SGCZ: variants seen among roughly 807,000 people sequenced by gnomAD.
SGCZ encodes zeta-sarcoglycan.
SGCZ carries 40 observed loss-of-function variants against 41.3 expected under a neutral mutation model. That is an observed-to-expected ratio of 0.97 (90% CI 0.75 to 1.26). The LOEUF is 1.26. Ranked by LOEUF, SGCZ falls within the 50% of genes most tolerant of loss-of-function variation. The probability of loss-of-function intolerance (pLI) is 0.00; values close to 1 mark genes in which losing one functional copy is unlikely to be tolerated. For synonymous variants in SGCZ, 206 were observed against 137.5 expected, an observed-to-expected ratio of 1.50 and a Z score of -3.49; for missense variants, 552 against 369.8, an observed-to-expected ratio of 1.49 and a Z score of -4.04.
chr8:14,912,550 T>A (rs1799306900), intron 1 of SGCZ, among the ~76,000 whole-genome samples: 1 of 152,068 alleles, frequency 6.6e-6, no homozygotes, highest in East Asian at 1.9e-4. Flanking sequence ...TAAGATGGAA[T>A]ATAGTAGTGA....
chr8:14,578,854 A>G (rs992086148), intron 1 of SGCZ, among the ~76,000 whole-genome samples: 1 of 152,170 alleles, frequency 6.6e-6, no homozygotes, highest in Admixed American at 6.6e-5. Flanking sequence ...AATAGCATCC[A>G]ATTTGTAAAT....
At chr8:14,571,581 C>G (rs1804557448) in intron 1 of SGCZ, among the ~76,000 whole-genome samples, 1 of 152,052 alleles carries the variant, frequency 6.6e-6, no homozygotes, top group African/African-American at 2.4e-5. Context: ...TTTTTTCTGA[C>G]TGCATTTTAC....
At chr8:14,475,033 G>A (rs1801318464) in intron 2 of SGCZ, among the ~76,000 whole-genome samples, 1 of 152,112 alleles carries the variant, frequency 6.6e-6, no homozygotes, top group Non-Finnish European at 1.5e-5. Flanking sequence ...TCAGGCTGTG[G>A]ACTTATCCAA....
At position 14,886,807 on chromosome 8, in the gene SGCZ, T is replaced by C. The variant is rs115187199; in HGVS notation, c.40-331881A>G. The stretch of plus-strand genomic sequence containing the variant: ...GTAGAATTTGAGTCTTTAGATCACT[T>C]TGGCTTCTGGGGTGGAGCAGACTAA... On this transcript the variant is annotated intron_variant, in intron 1 of 7. Coordinates refer to ENST00000382080, the MANE Select transcript of SGCZ (RefSeq NM_139167.4). Among the ~76,000 whole-genome samples the C allele has an allele frequency of 9.2e-3, 1,406 of 152,228 alleles. 16 individuals carry two copies. The highest frequency in any genetic ancestry group is 0.032 in the African/African-American group (1,319 of 41,536).
chr8:14,529,489 G>A (rs77295557), intron 2 of SGCZ, among the ~76,000 whole-genome samples: 1 of 152,132 alleles, frequency 6.6e-6, no homozygotes, highest in Non-Finnish European at 1.5e-5. Flanking sequence ...GCACAGGGCT[G>A]TCAACTTCAA....
chr8:15,010,381 T>G (rs1045961756), intron 1 of SGCZ, among the ~76,000 whole-genome samples: 35 of 152,206 alleles, frequency 2.3e-4, no homozygotes, highest in African/African-American at 7.5e-4. Context: ...CAGAAAACAC[T>G]TCAAGACTTT....
At chr8:15,194,161 A>G (rs1445106154) in intron 1 of SGCZ, among the ~76,000 whole-genome samples, 1 of 151,002 alleles carries the variant, frequency 6.6e-6, no homozygotes, top group Non-Finnish European at 1.5e-5. Flanking sequence ...CTCACCTGAA[A>G]TAGTCCTCGT....
chr8:14,897,419 T>A (rs1003933878), intron 1 of SGCZ, among the ~76,000 whole-genome samples: 5 of 152,208 alleles, frequency 3.3e-5, no homozygotes, highest in African/African-American at 1.2e-4. Context: ...GCCCTTCCTC[T>A]TAAACTTGAT....
intron 1 of SGCZ, among the ~76,000 whole-genome samples, chr8:15,189,103 G>T (rs1267578827): frequency 6.6e-6 from 1 of 152,116 alleles, no homozygotes; most frequent in Non-Finnish European, 1.5e-5. Context: ...CAGGAAGATG[G>T]CCATACTTTC....
At chr8:14,702,287 GT>G (rs1398810882) in intron 1 of SGCZ, among the ~76,000 whole-genome samples, 1 of 151,724 alleles carries the variant, frequency 6.6e-6, no homozygotes, top group Non-Finnish European at 1.5e-5. Flanking sequence ...TTCTCTCTGT[GT>G]TTTTCCTTTA....
chr8:14,816,749 T>C (rs1801913400), intron 1 of SGCZ, among the ~76,000 whole-genome samples: 1 of 152,174 alleles, frequency 6.6e-6, no homozygotes, highest in Non-Finnish European at 1.5e-5. Context: ...GCTCCATATA[T>C]CCTCCTTTAT....
chr8:14,863,933 A>G (rs1803840593), intron 1 of SGCZ, among the ~76,000 whole-genome samples: 1 of 152,292 alleles, frequency 6.6e-6, no homozygotes, highest in South Asian at 2.1e-4. Context: ...AATGACCAGA[A>G]CTTTGTTCGG....
At chr8:15,125,883 C>T (rs376960715) in intron 1 of SGCZ, among the ~76,000 whole-genome samples, 1 of 152,178 alleles carries the variant, frequency 6.6e-6, no homozygotes, top group Non-Finnish European at 1.5e-5. Context: ...CAGTGGCTCA[C>T]GCCTGTAATC....
At chr8:14,272,708 G>T (rs1351677494) in intron 3 of SGCZ, among the ~76,000 whole-genome samples, 1 of 152,092 alleles carries the variant, frequency 6.6e-6, no homozygotes, top group East Asian at 1.9e-4. Flanking sequence ...GGTTAGTAGG[G>T]AATGACTCTA....
chr8:14,769,489 CT>C (rs888922455), intron 1 of SGCZ, among the ~76,000 whole-genome samples: 11 of 152,200 alleles, frequency 7.2e-5, no homozygotes, highest in African/African-American at 2.6e-4. Flanking sequence ...AAGGAGTGGT[CT>C]TTTAAAACAC....
At position 15,188,990 on chromosome 8, in the gene SGCZ, C is replaced by A. The variant is rs185801251; in HGVS notation, c.39+48595G>T. On this transcript the variant is annotated intron_variant, in intron 1 of 7. Transcript: ENST00000382080. ...CTCCATTCACTCATTCATTAAATAT[C>A]AAAAAAAATAGATATGCTCACAGAG... 2.4e-3 allele frequency among the ~76,000 whole-genome samples: 363 copies of A among 151,686 alleles called. 1 individual carries two copies. The highest frequency in any genetic ancestry group is 0.02 in the South Asian group (96 of 4,800).
intron 3 of SGCZ, among the ~76,000 whole-genome samples, chr8:14,299,728 C>T (rs1452838343): frequency 6.6e-6 from 1 of 151,782 alleles, no homozygotes; most frequent in Non-Finnish European, 1.5e-5. Flanking sequence ...CCAAATACAT[C>T]CACTTAAAAA....
intron 3 of SGCZ, among the ~76,000 whole-genome samples, chr8:14,314,642 T>G (rs1216520894): frequency 1.3e-5 from 2 of 152,114 alleles, no homozygotes; most frequent in African/African-American, 4.8e-5. Flanking sequence ...AATCAGTAGG[T>G]AAGTGAATGG....
chr8:15,222,439 C>T (rs1383214146), intron 1 of SGCZ, among the ~76,000 whole-genome samples: 1 of 151,262 alleles, frequency 6.6e-6, no homozygotes, highest in African/African-American at 2.4e-5. Flanking sequence ...AATATTCCTG[C>T]CTATGAAAAA....
Sources: gnomAD v4.1 joint callset for allele counts (sites outside exome capture counted in the v4.1 genomes callset) on GRCh38, gnomAD v4.1.1 for gene constraint, MANE v1.5 for transcripts, NCBI Gene and HGNC (gene_info 2026-07-23, HGNC 2026-07-21) for gene names.